The following SGMS1 variants were observed in gnomAD, a reference collection of about 807,000 sequenced individuals.
SGMS1 encodes the protein phosphatidylcholine:ceramide cholinephosphotransferase 1.
Under a neutral mutation model 46.2 loss-of-function variants are expected in SGMS1, and 13 were observed. The observed-to-expected ratio is 0.28, with a 90% CI of 0.18 to 0.45. The LOEUF is 0.45. Among genes scored for constraint, SGMS1 ranks in the 20% least tolerant of loss-of-function variants. The probability of loss-of-function intolerance (pLI) is 1.00; values close to 1 mark genes in which losing one functional copy is unlikely to be tolerated. For synonymous variants in SGMS1, 203 were observed against 187.8 expected, an observed-to-expected ratio of 1.08 and a Z score of -0.66; for missense variants, 324 against 519.9, an observed-to-expected ratio of 0.62 and a Z score of 3.66.
At chr10:50,361,600 AC>A (rs1848249478) in intron 6 of SGMS1, among the ~76,000 whole-genome samples, 1 of 152,204 alleles carries the variant, frequency 6.6e-6, no homozygotes, top group Admixed American at 6.5e-5. Context: ...TTGCAACTTC[AC>A]TTGCTCTCTC....
At chr10:50,354,435 T>A (rs1006597733) in intron 6 of SGMS1, among the ~76,000 whole-genome samples, 1 of 152,156 alleles carries the variant, frequency 6.6e-6, no homozygotes, top group Admixed American at 6.5e-5. Flanking sequence ...TATACAAAAA[T>A]TAATTCAAGA....
intron 2 of SGMS1, among the ~76,000 whole-genome samples, chr10:50,530,970 A>G (rs577135842): frequency 6.6e-6 from 1 of 152,300 alleles, no homozygotes; most frequent in South Asian, 2.1e-4. Context: ...AAGATGACTG[A>G]AAACATATTG....
chr10:50,457,397 A>G (rs182489606), intron 5 of SGMS1, among the ~76,000 whole-genome samples: 93 of 152,266 alleles, frequency 6.1e-4, no homozygotes, highest in African/African-American at 2.2e-3. Flanking sequence ...TTCTTACTTA[A>G]GCAAATGTTT....
intron 2 of SGMS1, among the ~76,000 whole-genome samples, chr10:50,575,767 A>G (rs1838379241): frequency 6.6e-6 from 1 of 152,190 alleles, no homozygotes; most frequent in Admixed American, 6.5e-5. Flanking sequence ...TACAAATTAT[A>G]TCTCAATAAG....
chr10:50,333,711 A>G (rs961236394), intron 7 of SGMS1, among the ~76,000 whole-genome samples: 8 of 152,248 alleles, frequency 5.3e-5, no homozygotes, highest in African/African-American at 1.7e-4. Context: ...ATGGTAGAAC[A>G]GACAAAATAA....
upstream of SGMS1, chr10:50,624,735 GC>G: frequency 1.0e-6 from 1 of 985,440 alleles, no homozygotes; most frequent in Non-Finnish European, 1.2e-6. Context: ...TGCTCCCCGA[GC>G]GAAGCCCCAG....
intron 3 of SGMS1, among the ~76,000 whole-genome samples, chr10:50,475,870 G>C (rs773321422): frequency 1.3e-5 from 2 of 151,944 alleles, no homozygotes; most frequent in Non-Finnish European, 2.9e-5. Context: ...TGTACAGCCT[G>C]CATAACTTTG....
chr10:50,421,881 T>C (rs1307382593), intron 6 of SGMS1, among the ~76,000 whole-genome samples: 1 of 152,160 alleles, frequency 6.6e-6, no homozygotes, highest in African/African-American at 2.4e-5. Context: ...TGGTGCTCTT[T>C]AGTCCAGGCC....
chr10:50,359,398 T>C (rs1227019558), intron 6 of SGMS1, among the ~76,000 whole-genome samples: 5 of 152,180 alleles, frequency 3.3e-5, no homozygotes, highest in Non-Finnish European at 5.9e-5. Context: ...TCCATCGTAG[T>C]AGCCTCAGTG....
intron 3 of SGMS1, among the ~76,000 whole-genome samples, chr10:50,476,097 C>CAAAAAAAAAAA (rs58641986): frequency 8.3e-4 from 36 of 43,316 alleles, no homozygotes; most frequent in East Asian, 3.2e-3. Flanking sequence ...ACTAAAAATA[C>CAAAAAAAAAAA]AAAAAAAAAA....
intron 5 of SGMS1, among the ~76,000 whole-genome samples, chr10:50,436,271 A>AT (rs918949804): frequency 7.3e-5 from 11 of 151,088 alleles, no homozygotes; most frequent in Admixed American, 5.3e-4. Context: ...TGCCCGGCTA[A>AT]TTTTTTTTTG....
chr10:50,608,920 T>C lies in SGMS1; in HGVS notation c.-684+14787A>G, dbSNP rs111385826. Among the ~76,000 whole-genome samples the C allele has an allele frequency of 3.2e-3, 493 of 152,332 alleles. 3 individuals carry two copies. Among genetic ancestry groups the C allele is most frequent in the African/African-American group, 0.011 (469 of 41,572 alleles). On this transcript the variant is annotated intron_variant, in intron 1 of 10. Transcript: ENST00000361781. ...ATCCTCCTGTATCCTTTAAGTCATC[T>C]CTAGATAATGTATAATACATAATAC...
In SGMS1 at chr10:50,344,241, T is replaced by C; in HGVS notation, c.-127A>G. 1 of 1,311,908 alleles carries C rather than the reference T, an allele frequency of 7.6e-7. No individual in the cohort carries two copies. Among genetic ancestry groups the C allele is most frequent in the Non-Finnish European group, 1.0e-6 (1 of 975,224 alleles). The allele number at this position is 1,311,908 out of a possible 1,614,324, so 81.3% of individuals were successfully genotyped here. On this transcript the variant is annotated 5_prime_UTR_variant, in exon 7 of 11. Coordinates refer to ENST00000361781, the MANE Select transcript of SGMS1 (RefSeq NM_147156.4). ...GTGGGGCCTCATGAGCAGAGACTTG[T>C]TTGGCAAGATGGTCAGGGCAGTTTT...
chr10:50,614,572 G>A (rs1838779715), intron 1 of SGMS1, among the ~76,000 whole-genome samples: 1 of 152,214 alleles, frequency 6.6e-6, no homozygotes, highest in South Asian at 2.1e-4. Context: ...ACTGCCACCT[G>A]CCCCAAGCTC....
chr10:50,497,814 C>T (rs1564928574), intron 3 of SGMS1, among the ~76,000 whole-genome samples: 2 of 152,048 alleles, frequency 1.3e-5, no homozygotes, highest in African/African-American at 4.8e-5. Flanking sequence ...AATTCCAGAT[C>T]CTTCAGTTGA....
chr10:50,503,494 C>A (rs1837679304), intron 3 of SGMS1, among the ~76,000 whole-genome samples: 1 of 152,280 alleles, frequency 6.6e-6, no homozygotes, highest in East Asian at 1.9e-4. Flanking sequence ...TACTGAGCAC[C>A]TTGTGACCCC....
chr10:50,422,545 T>C (rs1254114036), intron 6 of SGMS1, among the ~76,000 whole-genome samples: 1 of 152,130 alleles, frequency 6.6e-6, no homozygotes, highest in African/African-American at 2.4e-5. Flanking sequence ...CAAACACGAA[T>C]CCACTGTGGA....
chr10:50,534,442 C>T (rs1432138724), intron 2 of SGMS1, among the ~76,000 whole-genome samples: 2 of 152,142 alleles, frequency 1.3e-5, no homozygotes, highest in Non-Finnish European at 2.9e-5. Context: ...ATATTCAATG[C>T]TACTGATAGT....
chr10:50,539,539 A>C (rs1297435997), intron 2 of SGMS1, among the ~76,000 whole-genome samples: 1 of 152,174 alleles, frequency 6.6e-6, no homozygotes, highest in Non-Finnish European at 1.5e-5. Context: ...CTGATTCTCA[A>C]ACTTATGGAG....
Sources: gnomAD v4.1 joint callset for allele counts (sites outside exome capture counted in the v4.1 genomes callset) on GRCh38, gnomAD v4.1.1 for gene constraint, MANE v1.5 for transcripts, NCBI Gene and HGNC (gene_info 2026-07-23, HGNC 2026-07-21) for gene names.